The following SKAP2 variants were observed in gnomAD, a reference collection of about 807,000 sequenced individuals.
SKAP2 encodes the protein src kinase-associated phosphoprotein 2.
In SKAP2, 28 loss-of-function variants were observed where a neutral mutation model predicts 54.9. The ratio of observed to expected loss-of-function variants is 0.51; its 90% CI spans 0.38 to 0.70. The LOEUF (loss-of-function observed/expected upper bound fraction) is 0.70, where lower values mean the gene tolerates loss of function less well. SKAP2 is among the 30% of genes least tolerant of loss of function. The pLI is 0.00. For synonymous variants in SKAP2, 137 were observed against 134.3 expected, an observed-to-expected ratio of 1.02 and a Z score of -0.14; for missense variants, 356 against 424.1, an observed-to-expected ratio of 0.84 and a Z score of 1.41.
At chr7:26,682,577 A>G (rs1786528077) in intron 11 of SKAP2, among the ~76,000 whole-genome samples, 1 of 152,194 alleles carries the variant, frequency 6.6e-6, no homozygotes, top group African/African-American at 2.4e-5. Flanking sequence ...AAACTCCAAA[A>G]TGAACCCCAG....
At chr7:26,764,221 T>A (rs935683005) in intron 4 of SKAP2, among the ~76,000 whole-genome samples, 2 of 152,148 alleles carry the variant, frequency 1.3e-5, no homozygotes, top group African/African-American at 2.4e-5. Flanking sequence ...TGTGTCTACA[T>A]TAATATTTTT....
intron 4 of SKAP2, among the ~76,000 whole-genome samples, chr7:26,741,293 G>A (rs893620517): frequency 2.0e-5 from 3 of 151,864 alleles, no homozygotes; most frequent in African/African-American, 7.3e-5. Flanking sequence ...AAGGAAGGAG[G>A]GTCGCTTGAG....
At position 26,781,425 on chromosome 7, in the gene SKAP2, G is replaced by A. The variant is rs1047072867; in HGVS notation, c.308-41461C>T. Among the ~76,000 whole-genome samples, 5 of 152,188 alleles carry A rather than the reference G, an allele frequency of 3.3e-5. No individual in the cohort carries two copies. The South Asian group carries it at 1.0e-3, about 32-fold the overall frequency. On this transcript the variant is annotated intron_variant, in intron 4 of 12. Transcript: ENST00000345317. ...TAAAAAATCCATAAATCTGTTAAAA[G>A]AAGATGGAAGTGCAAATACCAACCA... is the stretch of plus-strand genomic sequence containing the variant.
intron 4 of SKAP2, among the ~76,000 whole-genome samples, chr7:26,823,425 C>CAAAAAAAAAAA (rs60207927): frequency 1.1e-5 from 1 of 93,984 alleles, no homozygotes; most frequent in African/African-American, 4.5e-5. Flanking sequence ...GACTTTGTCT[C>CAAAAAAAAAAA]AAAAAAAAAA....
chr7:26,853,000 CA>C (rs1562636495), intron 3 of SKAP2, among the ~76,000 whole-genome samples: 1 of 151,270 alleles, frequency 6.6e-6, no homozygotes, highest in African/African-American at 2.4e-5. Context: ...TTGTAGAGCA[CA>C]AAAAAAACTG....
chr7:26,856,115 A>G (rs1785156745), intron 1 of SKAP2, among the ~76,000 whole-genome samples: 1 of 152,264 alleles, frequency 6.6e-6, no homozygotes, highest in Middle Eastern at 3.5e-3. Flanking sequence ...ACTTTTATAC[A>G]TTCATAATAA....
In SKAP2 at chr7:26,803,561, G is replaced by T. The variant is rs145825025; in HGVS notation, c.307+40469C>A. On this transcript the variant is annotated intron_variant, in intron 4 of 12. Transcript: ENST00000345317. ...AACTACCATGGAAAACAGTTTGGAG[G>T]TTCCTCAAAAAAACAAAAAATTGAG... 2.9e-3 allele frequency among the ~76,000 whole-genome samples: 443 copies of T among 152,168 alleles called. 1 individual carries two copies. Among genetic ancestry groups the T allele is most frequent in the African/African-American group, 1.0e-2 (415 of 41,548 alleles).
chr7:26,817,482 T>C (rs922532484), intron 4 of SKAP2, among the ~76,000 whole-genome samples: 2 of 152,122 alleles, frequency 1.3e-5, no homozygotes, highest in African/African-American at 2.4e-5. Context: ...CCAAATATCA[T>C]GTATATAAAG....
At chr7:26,851,255 C>CAA (rs35007326) in intron 3 of SKAP2, among the ~76,000 whole-genome samples, 83 of 99,324 alleles carry the variant, frequency 8.4e-4, no homozygotes, top group South Asian at 2.1e-3. Flanking sequence ...CCGTTTTTAC[C>CAA]AAAAAAAAAA....
At chr7:26,725,744 T>C (rs1787692217) in intron 8 of SKAP2, among the ~76,000 whole-genome samples, 179 bp from the exon 9 acceptor site, 1 of 152,164 alleles carries the variant, frequency 6.6e-6, no homozygotes, top group Non-Finnish European at 1.5e-5. Flanking sequence ...AGTAAGCCAA[T>C]TGGTACTTAT....
At chr7:26,851,334 C>T (rs1785037337) in intron 3 of SKAP2, among the ~76,000 whole-genome samples, 1 of 151,304 alleles carries the variant, frequency 6.6e-6, no homozygotes, top group Admixed American at 6.6e-5. Flanking sequence ...GTTCCATCTA[C>T]TCCAGAGGCT....
intron 10 of SKAP2, among the ~76,000 whole-genome samples, chr7:26,688,819 C>A (rs1278101837): frequency 6.6e-6 from 1 of 152,064 alleles, no homozygotes; most frequent in East Asian, 1.9e-4. Context: ...TGTGGAAGAA[C>A]CATCTGTATG....
At chr7:26,828,978 A>G (rs553951675) in intron 4 of SKAP2, among the ~76,000 whole-genome samples, 116 of 152,092 alleles carry the variant, frequency 7.6e-4, no homozygotes, top group African/African-American at 2.6e-3. Flanking sequence ...GCGGTGAGCT[A>G]AGATCGCGCC....
At chr7:26,809,231 T>C (rs1449355278) in intron 4 of SKAP2, among the ~76,000 whole-genome samples, 1 of 152,120 alleles carries the variant, frequency 6.6e-6, no homozygotes, top group Non-Finnish European at 1.5e-5. Flanking sequence ...CTGACCAATA[T>C]GATGAAACCT....
chr7:26,789,495 T>G (rs2127981015), intron 4 of SKAP2, among the ~76,000 whole-genome samples: 1 of 152,338 alleles, frequency 6.6e-6, no homozygotes, highest in Middle Eastern at 3.4e-3. Flanking sequence ...ATTGTTTGTG[T>G]TACAGTTATA....
intron 4 of SKAP2, among the ~76,000 whole-genome samples, chr7:26,786,684 C>T (rs1229510693): frequency 6.6e-6 from 1 of 152,134 alleles, no homozygotes; most frequent in Non-Finnish European, 1.5e-5. Flanking sequence ...TAAACACGTG[C>T]CCTAGCAAGA....
chr7:26,822,898 T>C (rs1784410560), intron 4 of SKAP2, among the ~76,000 whole-genome samples: 1 of 150,224 alleles, frequency 6.7e-6, no homozygotes, highest in Non-Finnish European at 1.5e-5. Flanking sequence ...AAAAAAAAAT[T>C]ACCCAACAAA....
chr7:26,656,999 T>C, the SKAP2 span, among the ~76,000 whole-genome samples: 1,846 of 152,230 alleles, frequency 0.012, 39 homozygotes, highest in African/African-American at 0.041. Context: ...AAGCAAGATT[T>C]TGAACAGCTG....
chr7:26,825,991 C>G (rs7805766), intron 4 of SKAP2, among the ~76,000 whole-genome samples: 32,252 of 151,894 alleles, frequency 0.21, 3,498 homozygotes, highest in Non-Finnish European at 0.24. Flanking sequence ...TTCTTTAAGA[C>G]TACCTCAGTT....
Sources: gnomAD v4.1 joint callset for allele counts (sites outside exome capture counted in the v4.1 genomes callset) on GRCh38, gnomAD v4.1.1 for gene constraint, MANE v1.5 for transcripts, NCBI Gene and HGNC (gene_info 2026-07-23, HGNC 2026-07-21) for gene names.